The following HCN1 variants were observed in gnomAD, a reference collection of about 807,000 sequenced individuals.
HCN1 encodes potassium/sodium hyperpolarization-activated cyclic nucleotide-gated channel 1.
Under a neutral mutation model 78.9 loss-of-function variants are expected in HCN1, and 13 were observed. The ratio of observed to expected loss-of-function variants is 0.16; its 90% CI spans 0.11 to 0.26. The LOEUF is 0.26. Among genes scored for constraint, HCN1 ranks in the 10% least tolerant of loss-of-function variants. The pLI, the probability that HCN1 is intolerant of heterozygous loss-of-function variation, is 1.00. For missense variants in HCN1, 810 were observed against 1,154.3 expected, an observed-to-expected ratio of 0.70 and a Z score of 4.32; for synonymous variants, 552 against 455.5, an observed-to-expected ratio of 1.21 and a Z score of -2.70.
chr5:45,346,981 A>T (rs1746733273), intron 5 of HCN1, among the ~76,000 whole-genome samples: 2 of 152,204 alleles, frequency 1.3e-5, no homozygotes, highest in Non-Finnish European at 2.9e-5. Context: ...GCAGACTTAA[A>T]TGTCCCTGTC....
chr5:45,383,179 T>C (rs1482458869), intron 4 of HCN1, among the ~76,000 whole-genome samples: 2 of 152,198 alleles, frequency 1.3e-5, no homozygotes, highest in African/African-American at 4.8e-5. Context: ...TGCTATCGTC[T>C]ATGCATTTTC....
In HCN1 at chr5:45,463,222, T is replaced by G. The variant is rs572406755; in HGVS notation, c.850-1215A>C. Reference sequence around the variant, plus strand: ...TTTGTAGGAAAATATCTATAATTCTTAAAATACACACACTGAAGTACTCAG... The same window carrying G: ...TTTGTAGGAAAATATCTATAATTCTGAAAATACACACACTGAAGTACTCAG... On this transcript the variant is annotated intron_variant, in intron 2 of 7. Coordinates refer to ENST00000303230, the MANE Select transcript of HCN1 (RefSeq NM_021072.4). Among the ~76,000 whole-genome samples, 6 of 152,118 alleles carry G rather than the reference T, an allele frequency of 3.9e-5. No homozygotes were observed. In the East Asian group the frequency reaches 1.2e-3, roughly 29 times the overall value.
intron 3 of HCN1, among the ~76,000 whole-genome samples, chr5:45,399,503 AG>A (rs1739752053): frequency 6.6e-6 from 1 of 152,230 alleles, no homozygotes; most frequent in Non-Finnish European, 1.5e-5. Flanking sequence ...TGCAACTTCA[AG>A]GTCACATATC....
At chr5:45,412,111 C>T (rs918253660) in intron 3 of HCN1, among the ~76,000 whole-genome samples, 1 of 152,088 alleles carries the variant, frequency 6.6e-6, no homozygotes, top group Non-Finnish European at 1.5e-5. Context: ...TCTTAGTCAA[C>T]AGGGACTGTT....
At chr5:45,297,501 C>T (rs914954371) in intron 6 of HCN1, among the ~76,000 whole-genome samples, 2 of 151,976 alleles carry the variant, frequency 1.3e-5, no homozygotes, top group African/African-American at 4.8e-5. Flanking sequence ...ATCACCAGGC[C>T]CAAAAGTTGT....
At chr5:45,503,568 T>C (rs1742233594) in intron 2 of HCN1, among the ~76,000 whole-genome samples, 1 of 152,194 alleles carries the variant, frequency 6.6e-6, no homozygotes, top group Admixed American at 6.5e-5. Context: ...TAAATAAATA[T>C]TCTTAATTAT....
chr5:45,545,323 G>C (rs1192841076), intron 2 of HCN1, among the ~76,000 whole-genome samples: 2 of 152,128 alleles, frequency 1.3e-5, no homozygotes, highest in Non-Finnish European at 1.5e-5. Flanking sequence ...ATTTGTTTAA[G>C]TTCTTTGTAG....
At chr5:45,667,302 G>C in intron 1 of HCN1, among the ~76,000 whole-genome samples, 1 of 151,990 alleles carries the variant, frequency 6.6e-6, no homozygotes, top group East Asian at 1.9e-4. Context: ...GCTGGTCCTG[G>C]TGGGTAGAAG....
chr5:45,388,500 T>C (rs961764296), intron 4 of HCN1, among the ~76,000 whole-genome samples: 2 of 152,108 alleles, frequency 1.3e-5, no homozygotes, highest in Non-Finnish European at 2.9e-5. Context: ...TCTGGACCGG[T>C]AGCAGCAGCA....
intron 5 of HCN1, among the ~76,000 whole-genome samples, chr5:45,349,723 C>A (rs1009929605): frequency 6.6e-6 from 1 of 151,968 alleles, no homozygotes; most frequent in African/African-American, 2.4e-5. Context: ...ATACAAACTG[C>A]CCACAGAGAA....
At chr5:45,303,991 A>C (rs1745677484) in intron 5 of HCN1, 152 bp from the exon 6 acceptor site, 2 of 739,100 alleles carry the variant, frequency 2.7e-6, no homozygotes, top group East Asian at 5.4e-5. Flanking sequence ...ATCATATTAC[A>C]GTCAGGATTA....
chr5:45,545,279 T>C (rs898416945), intron 2 of HCN1, among the ~76,000 whole-genome samples: 7 of 152,242 alleles, frequency 4.6e-5, no homozygotes, highest in African/African-American at 9.6e-5. Context: ...CTTTGCCCAC[T>C]TTTTGATGGG....
chr5:45,682,933 A>G (rs1451531635), intron 1 of HCN1, among the ~76,000 whole-genome samples: 3 of 152,100 alleles, frequency 2.0e-5, no homozygotes, highest in African/African-American at 7.2e-5. Flanking sequence ...TTTCTTTACA[A>G]TAACTTACTA....
chr5:45,373,060 A>C (rs1747459169), intron 4 of HCN1, among the ~76,000 whole-genome samples: 1 of 136,272 alleles, frequency 7.3e-6, no homozygotes, highest in Non-Finnish European at 1.5e-5. Context: ...AATATATATA[A>C]AATATATGTA....
chr5:45,594,596 G>A (rs978047791), intron 2 of HCN1, among the ~76,000 whole-genome samples: 1 of 152,044 alleles, frequency 6.6e-6, no homozygotes, highest in Non-Finnish European at 1.5e-5. Flanking sequence ...AATGTCACGA[G>A]GGAAAGGGAA....
At chr5:45,564,436 C>T (rs988605586) in intron 2 of HCN1, among the ~76,000 whole-genome samples, 4 of 151,994 alleles carry the variant, frequency 2.6e-5, no homozygotes, top group Non-Finnish European at 4.4e-5. Flanking sequence ...CGGGGTTTCA[C>T]TGTGTTAACC....
At chr5:45,589,957 T>C (rs145299159) in intron 2 of HCN1, among the ~76,000 whole-genome samples, 1 of 152,208 alleles carries the variant, frequency 6.6e-6, no homozygotes, top group Non-Finnish European at 1.5e-5. Flanking sequence ...CTACCTAGTC[T>C]ATTTAGAAAA....
chr5:45,383,684 C>G (rs1747857851), intron 4 of HCN1, among the ~76,000 whole-genome samples: 1 of 151,198 alleles, frequency 6.6e-6, no homozygotes, highest in Admixed American at 6.6e-5. Context: ...GTGCTCACCA[C>G]TGCACTCCAG....
chr5:45,316,503 C>G (rs1247629576), intron 5 of HCN1, among the ~76,000 whole-genome samples: 1 of 152,090 alleles, frequency 6.6e-6, no homozygotes, highest in Non-Finnish European at 1.5e-5. Flanking sequence ...AAAACTGGCA[C>G]AAGACAGGGA....
Sources: gnomAD v4.1 joint callset for allele counts (sites outside exome capture counted in the v4.1 genomes callset) on GRCh38, gnomAD v4.1.1 for gene constraint, MANE v1.5 for transcripts, NCBI Gene and HGNC (gene_info 2026-07-23, HGNC 2026-07-21) for gene names.